TRAF3: variants seen among roughly 807,000 people sequenced by gnomAD.
TRAF3 encodes TNF receptor-associated factor 3.
TRAF3 carries 13 observed loss-of-function variants against 62.3 expected under a neutral mutation model. The observed-to-expected ratio is 0.21, with a 90% confidence interval of 0.14 to 0.33. The LOEUF is 0.33. Among genes scored for constraint, TRAF3 ranks in the 10% least tolerant of loss-of-function variants. The probability of loss-of-function intolerance (pLI) is 1.00; values close to 1 mark genes in which losing one functional copy is unlikely to be tolerated. For missense variants in TRAF3, 440 were observed against 741.8 expected (o/e 0.59, Z 4.73); for synonymous variants, 269 against 283.4 (o/e 0.95, Z 0.51).
chr14:102,778,013 G>A (rs1236564705), intron 1 of TRAF3, among the ~76,000 whole-genome samples: 1 of 150,550 alleles, frequency 6.6e-6, no homozygotes, highest in East Asian at 2.0e-4. Flanking sequence ...ACCCCCGCTG[G>A]CGTTGAGGAC....
At position 102,800,028 on chromosome 14, in the gene TRAF3, C is replaced by T. The variant is rs531502190; in HGVS notation, c.-157+22353C>T. ...TGGAAAGTAGGGACTCCAAGGGGAA[C>T]TCCTGACTGGGCTTGCGGGCTGCCT... On this transcript the variant is annotated intron_variant, in intron 1 of 11. Transcript: ENST00000392745. Among the ~76,000 whole-genome samples, 3 of 152,288 alleles carry T rather than the reference C, an allele frequency of 2.0e-5. No individual in the cohort carries two copies. The East Asian group carries it at 5.8e-4, about 29-fold the overall frequency.
chr14:102,873,576 G>A (rs1312897444), intron 4 of TRAF3, among the ~76,000 whole-genome samples: 1 of 152,176 alleles, frequency 6.6e-6, no homozygotes, highest in Admixed American at 6.5e-5. Context: ...CTCAAGTTGT[G>A]GACCCTCATG....
chr14:102,807,973 T>C (rs1898874858), intron 1 of TRAF3, among the ~76,000 whole-genome samples: 1 of 152,170 alleles, frequency 6.6e-6, no homozygotes. Flanking sequence ...GCAGCATACC[T>C]CTATGCTCCA....
chr14:102,808,745 G>A (rs887520901), intron 1 of TRAF3, among the ~76,000 whole-genome samples: 2 of 152,030 alleles, frequency 1.3e-5, no homozygotes, highest in Non-Finnish European at 2.9e-5. Context: ...CCTCTGAGTC[G>A]AATGACCAAT....
chr14:102,890,180 T>G (rs543233894), intron 8 of TRAF3, among the ~76,000 whole-genome samples: 2 of 152,372 alleles, frequency 1.3e-5, no homozygotes, highest in Non-Finnish European at 2.9e-5. Flanking sequence ...TCTCTGTTGC[T>G]GCCGCACATG....
chr14:102,799,555 GTTC>G (rs1462775263), intron 1 of TRAF3, among the ~76,000 whole-genome samples: 1 of 152,124 alleles, frequency 6.6e-6, no homozygotes, highest in Non-Finnish European at 1.5e-5. Flanking sequence ...GATTCAGGCA[GTTC>G]TTCTGCCCCA....
intron 2 of TRAF3, among the ~76,000 whole-genome samples, chr14:102,862,332 G>T (rs539345299): frequency 6.6e-6 from 1 of 151,368 alleles, no homozygotes; most frequent in South Asian, 2.1e-4. Context: ...CCAGGAGTTG[G>T]AGACTGCCGT....
intron 11 of TRAF3, among the ~76,000 whole-genome samples, chr14:102,904,656 A>G (rs1890485690): frequency 6.6e-6 from 1 of 151,414 alleles, no homozygotes; most frequent in African/African-American, 2.4e-5. Context: ...TAAAAATACA[A>G]AAAGTTAGCC....
chr14:102,885,905 G>A (rs1025877751), intron 6 of TRAF3, among the ~76,000 whole-genome samples: 17 of 152,190 alleles, frequency 1.1e-4, no homozygotes, highest in African/African-American at 3.1e-4. Context: ...CAGAGGAGGC[G>A]TGCTAAGGGG....
chr14:102,891,805 A>G (rs528777227), intron 9 of TRAF3, among the ~76,000 whole-genome samples: 72 of 152,170 alleles, frequency 4.7e-4, no homozygotes, highest in Non-Finnish European at 7.2e-4. Context: ...CAGAGTTAAG[A>G]GACATGTGGA....
intron 6 of TRAF3, among the ~76,000 whole-genome samples, chr14:102,877,657 C>T (rs1888782921): frequency 6.6e-6 from 1 of 151,124 alleles, no homozygotes; most frequent in African/African-American, 2.4e-5. Context: ...TTCCACAGGC[C>T]TTCCGCTCAG....
At position 102,877,398 on chromosome 14, in the gene TRAF3, G is replaced by A. The variant is rs556734779; in HGVS notation, c.570+873G>A. Among the ~76,000 whole-genome samples, 67 of 123,540 alleles carry A rather than the reference G, an allele frequency of 5.4e-4. 2 individuals are homozygous for A. In the South Asian group the frequency reaches 9.6e-3, roughly 18 times the overall value. 81.0% of individuals were successfully genotyped at this position (123,540 alleles called of 152,430 possible). On this transcript the variant is annotated intron_variant, in intron 6 of 11. Coordinates refer to ENST00000392745, the MANE Select transcript of TRAF3 (RefSeq NM_145725.3). ...CTTCCGCTCAATTCATAGATAATCC[G>A]TTCCACAGGCCTTCCGCTCAGCTCA...
intron 1 of TRAF3, among the ~76,000 whole-genome samples, chr14:102,811,550 G>GGTT (rs1555367643): frequency 1.3e-5 from 1 of 79,510 alleles, no homozygotes; most frequent in African/African-American, 4.7e-5. Flanking sequence ...GCTGTAGGCG[G>GGTT]TTTTTTTTTT....
intron 4 of TRAF3, among the ~76,000 whole-genome samples, chr14:102,872,436 C>G (rs1390679756): frequency 2.0e-5 from 3 of 152,168 alleles, no homozygotes; most frequent in African/African-American, 7.2e-5. Flanking sequence ...GCCCCCCAGG[C>G]CCCCTGTGAT....
intron 2 of TRAF3, among the ~76,000 whole-genome samples, chr14:102,862,891 C>T (rs772148542): frequency 2.6e-5 from 4 of 152,088 alleles, no homozygotes; most frequent in Non-Finnish European, 4.4e-5. Flanking sequence ...TGTTGAGCCC[C>T]TGCAGTGAAT....
intron 1 of TRAF3, among the ~76,000 whole-genome samples, chr14:102,824,327 A>G (rs978513900): frequency 1.3e-5 from 2 of 152,206 alleles, no homozygotes; most frequent in Non-Finnish European, 2.9e-5. Context: ...CTAAGACCAG[A>G]TCACATCTGG....
At chr14:102,867,674 G>T (rs575098288) in intron 2 of TRAF3, among the ~76,000 whole-genome samples, 1 of 152,274 alleles carries the variant, frequency 6.6e-6, no homozygotes, top group East Asian at 1.9e-4. Context: ...TGCAGGTCGA[G>T]GCTGGTCAAC....
chr14:102,840,466 A>T (rs1335374813), intron 2 of TRAF3, among the ~76,000 whole-genome samples: 2 of 152,118 alleles, frequency 1.3e-5, no homozygotes, highest in Non-Finnish European at 2.9e-5. Flanking sequence ...TCTGAGCTCA[A>T]GCAGTCCTCC....
At chr14:102,817,103 T>C (rs1347737886) in intron 1 of TRAF3, among the ~76,000 whole-genome samples, 2 of 152,158 alleles carry the variant, frequency 1.3e-5, no homozygotes, top group Non-Finnish European at 2.9e-5. Context: ...GTGTTGGACC[T>C]GTTAGGTTTG....
Sources: allele counts gnomAD v4.1 joint callset (sites outside exome capture counted in the v4.1 genomes callset), GRCh38; gene constraint gnomAD v4.1.1; transcripts MANE v1.5; gene names NCBI Gene and HGNC (gene_info 2026-07-23, HGNC 2026-07-21).